Variants in SLC7A2 observed in about 807,000 individuals in gnomAD.
The protein encoded by SLC7A2 is cationic amino acid transporter 2.
Under a neutral mutation model 58.9 loss-of-function variants are expected in SLC7A2, and 48 were observed. The observed-to-expected ratio is 0.82, with a 90% CI of 0.65 to 1.04. The LOEUF (loss-of-function observed/expected upper bound fraction) is 1.04. SLC7A2 is among the 50% of genes least tolerant of loss of function. The pLI is 0.00. For missense variants in SLC7A2, 1,029 were observed against 818.8 expected (o/e 1.26, Z -3.13); for synonymous variants, 363 against 314.5 (o/e 1.15, Z -1.63).
At chr8:17,526,725 T>C (rs1236240562) in intron 2 of SLC7A2, among the ~76,000 whole-genome samples, 1 of 152,054 alleles carries the variant, frequency 6.6e-6, no homozygotes, top group African/African-American at 2.4e-5. Context: ...TCAGAAAAAT[T>C]TCAGCAGCGT....
intron 10 of SLC7A2, 139 bp from the exon 11 acceptor site, chr8:17,561,805 G>C (rs1048635763): frequency 1.3e-6 from 1 of 740,850 alleles, no homozygotes; most frequent in East Asian, 2.5e-5. Context: ...AAAGAAGAAA[G>C]GGCAAGGCGA....
chr8:17,562,335 A>T (rs1000198678), intron 11 of SLC7A2, among the ~76,000 whole-genome samples: 1 of 151,554 alleles, frequency 6.6e-6, no homozygotes, highest in Non-Finnish European at 1.5e-5. Flanking sequence ...ACTCCCCAGT[A>T]GCTGGATCAC....
chr8:17,496,275 T>G (rs1314968853), upstream of SLC7A2, among the ~76,000 whole-genome samples: 1 of 152,074 alleles, frequency 6.6e-6, no homozygotes, highest in African/African-American at 2.4e-5. Flanking sequence ...TGAGCCACGA[T>G]TGTGTCACTG....
intron 2 of SLC7A2, among the ~76,000 whole-genome samples, chr8:17,542,657 A>AAAAAAAAAAAAAAAAG (rs78569276): frequency 4.0e-5 from 6 of 150,054 alleles, no homozygotes; most frequent in Non-Finnish European, 7.4e-5. Flanking sequence ...TCTCAAAAAA[A>AAAAAAAAAAAAAAAAG]AAAGAAAAAG....
intron 2 of SLC7A2, among the ~76,000 whole-genome samples, chr8:17,533,507 T>C (rs1258871129): frequency 6.6e-6 from 1 of 152,206 alleles, no homozygotes; most frequent in Non-Finnish European, 1.5e-5. Flanking sequence ...TTCTAACAAT[T>C]AATTAAATTA....
chr8:17,494,822 G>C (rs757840213), upstream of SLC7A2, among the ~76,000 whole-genome samples: 2 of 152,194 alleles, frequency 1.3e-5, no homozygotes, highest in African/African-American at 4.8e-5. Context: ...AAGATATTCA[G>C]CAATCTTGTT....
chr8:17,499,391 T>C (rs1317030721), intron 1 of SLC7A2, among the ~76,000 whole-genome samples: 1 of 149,990 alleles, frequency 6.7e-6, no homozygotes, highest in African/African-American at 2.5e-5. Context: ...TCCCTCTCTC[T>C]GTCCCTCTTC....
chr8:17,560,093 A>G (rs1219202391), intron 9 of SLC7A2, among the ~76,000 whole-genome samples: 2 of 152,042 alleles, frequency 1.3e-5, no homozygotes, highest in Non-Finnish European at 2.9e-5. Flanking sequence ...TGTGCCATCT[A>G]TTGTATGACT....
At chr8:17,513,278 G>A (rs996623596) in intron 2 of SLC7A2, among the ~76,000 whole-genome samples, 5 of 152,086 alleles carry the variant, frequency 3.3e-5, no homozygotes, top group African/African-American at 1.2e-4. Flanking sequence ...GTGGACACAA[G>A]GATCCCAATT....
chr8:17,501,947 A>G (rs1272447047), intron 1 of SLC7A2, among the ~76,000 whole-genome samples: 1 of 151,988 alleles, frequency 6.6e-6, no homozygotes, highest in Non-Finnish European at 1.5e-5. Flanking sequence ...ACAATACACA[A>G]CAAAGAATTT....
intron 6 of SLC7A2, 86 bp downstream of exon 6, chr8:17,550,520 AG>A (rs1482456681): frequency 7.6e-7 from 1 of 1,307,876 alleles, no homozygotes; most frequent in Non-Finnish European, 1.0e-6. Context: ...GGTCCAGGAA[AG>A]AGAGAGGGAT....
intron 8 of SLC7A2, chr8:17,555,178 A>G (rs1802636901): frequency 6.2e-6 from 7 of 1,133,276 alleles, no homozygotes; most frequent in Non-Finnish European, 8.5e-6. Flanking sequence ...TGTGCATGTA[A>G]GTTAAAAAAA....
At chr8:17,532,739 G>A (rs1179692430) in intron 2 of SLC7A2, among the ~76,000 whole-genome samples, 1 of 152,124 alleles carries the variant, frequency 6.6e-6, no homozygotes, top group African/African-American at 2.4e-5. Flanking sequence ...TAAATAAAGT[G>A]TGAAAAGTAG....
chr8:17,532,155 G>T (rs376635802), intron 2 of SLC7A2, among the ~76,000 whole-genome samples: 1 of 143,980 alleles, frequency 6.9e-6, no homozygotes, highest in South Asian at 2.2e-4. Flanking sequence ...ACTTGAACCC[G>T]GGAGGCGGAG....
chr8:17,512,872 G>T (rs1422274876), intron 2 of SLC7A2, among the ~76,000 whole-genome samples: 6 of 152,118 alleles, frequency 3.9e-5, no homozygotes, highest in Non-Finnish European at 7.3e-5. Context: ...CTTTATACAT[G>T]TGGAATCAGA....
chr8:17,559,118 A>G (rs991940191), intron 9 of SLC7A2, among the ~76,000 whole-genome samples: 19 of 152,170 alleles, frequency 1.2e-4, no homozygotes, highest in Non-Finnish European at 2.1e-4. Context: ...CTTTATATGG[A>G]GGGAAAATAT....
At chr8:17,523,194 G>A (rs1314502568) in intron 2 of SLC7A2, among the ~76,000 whole-genome samples, 6 of 151,774 alleles carry the variant, frequency 4.0e-5, no homozygotes, top group South Asian at 2.1e-4. Flanking sequence ...ATGACCATAC[G>A]GCCAAAAGTA....
At chr8:17,554,488 A>G (rs1802593748) in intron 7 of SLC7A2, 72 bp from the exon 8 acceptor site, 3 of 1,245,890 alleles carry the variant, frequency 2.4e-6, no homozygotes, top group Non-Finnish European at 3.3e-6. Context: ...TTATACAATT[A>G]TTTTATTTCC....
At chr8:17,541,798 C>A (rs1183382238) in intron 2 of SLC7A2, among the ~76,000 whole-genome samples, 1 of 152,188 alleles carries the variant, frequency 6.6e-6, no homozygotes, top group Non-Finnish European at 1.5e-5. Context: ...AACCCACCAT[C>A]TAAATATAAT....
Sources: allele counts gnomAD v4.1 joint callset (sites outside exome capture counted in the v4.1 genomes callset), GRCh38; gene constraint gnomAD v4.1.1; transcripts MANE v1.5; gene names NCBI Gene and HGNC (gene_info 2026-07-23, HGNC 2026-07-21).